KIF24: variants seen among roughly 807,000 people sequenced by gnomAD.
The protein encoded by KIF24 is kinesin-like protein KIF24.
Under a neutral mutation model 118.9 loss-of-function variants are expected in KIF24, and 81 were observed. The observed-to-expected ratio is 0.68, with a 90% confidence interval of 0.57 to 0.82. The LOEUF (loss-of-function observed/expected upper bound fraction) is 0.82. KIF24 is among the 40% of genes least tolerant of loss of function. The pLI is 0.00. For synonymous variants in KIF24, 599 were observed against 610.0 expected (o/e 0.98, Z 0.27); for missense variants, 1,560 against 1,661.6 (o/e 0.94, Z 1.06).
Position 34,290,315 on chromosome 9 carries a change from TTCTCATGAGTTCCTATCATGGTGTAGG to T in KIF24, c.959_985del (p.Thr320_Glu328del), listed in dbSNP as rs771759908. The T allele has an allele frequency of 3.1e-6, 5 of 1,613,858 alleles. No homozygotes were observed. In the South Asian group the frequency reaches 4.4e-5, roughly 14 times the overall value. On this transcript the variant is annotated inframe_deletion, in exon 5 of 13. Coordinates refer to ENST00000402558, the MANE Select transcript of KIF24 (RefSeq NM_194313.4). ...GGCAGCTAGAGCATACAATCCTGGG[TTCTCATGAGTTCCTATCATGGTGTAGG>T]TCTTTCCAGCACCTGTCTGTCCATA...
intron 1 of KIF24, among the ~76,000 whole-genome samples, chr9:34,328,051 C>T (rs1837734041): frequency 6.6e-6 from 1 of 152,004 alleles, no homozygotes; most frequent in African/African-American, 2.4e-5. Flanking sequence ...TTAAGGCCAC[C>T]AGTGAGCTAT....
Position 34,257,765 on chromosome 9 carries a change from G to A in KIF24, c.1842C>T (p.His614=), listed in dbSNP as rs755969797. ...TRGKVHPLTS[H]PPNIPFTSAP... ...CAGAAGTAAAAGGAATGTTGGGTGG[G>A]TGGCTGGTCAGAGGATGGACCTTCC... is the stretch of plus-strand genomic sequence containing the variant. Residue 614 remains histidine, a synonymous_variant, in exon 11 of 13, where the codon CAC becomes CAT. Transcript: ENST00000402558. 6.2e-7 allele frequency: 1 copy of A among 1,614,046 alleles called. No individual in the cohort carries two copies. Among genetic ancestry groups the A allele is most frequent in the Non-Finnish European group, 8.5e-7 (1 of 1,179,902 alleles).
At chr9:34,322,193 GTA>G (rs1837547140) in intron 1 of KIF24, among the ~76,000 whole-genome samples, 1 of 152,120 alleles carries the variant, frequency 6.6e-6, no homozygotes, top group African/African-American at 2.4e-5. Context: ...CCAAAACAGA[GTA>G]GTGGCTGTCC....
At chr9:34,294,647 T>G (rs1043818096) in intron 4 of KIF24, among the ~76,000 whole-genome samples, 6 of 152,192 alleles carry the variant, frequency 3.9e-5, no homozygotes, top group Admixed American at 6.5e-5. Flanking sequence ...AGTGTGATAA[T>G]TTCATAGAAG....
chr9:34,269,914 C>T (rs1417696363), intron 7 of KIF24, among the ~76,000 whole-genome samples: 1 of 151,928 alleles, frequency 6.6e-6, no homozygotes, highest in African/African-American at 2.4e-5. Context: ...CACAGCAAGA[C>T]CCCATCTCTT....
intron 10 of KIF24, 97 bp downstream of exon 10, chr9:34,259,498 TG>T: frequency 2.3e-6 from 2 of 856,390 alleles, no homozygotes; most frequent in Admixed American, 1.8e-5. Flanking sequence ...TGCATGCACT[TG>T]CACACACACA....
rs1837795795 is a variant in KIF24, at chr9:34,329,220, G to A, written c.-140C>T. On this transcript the variant is annotated 5_prime_UTR_variant, in exon 1 of 13. Transcript: ENST00000402558. ...CCCGTCAACCCGGGAGCCACCGGCGGCGGCCAGGCCGCATCTCCATGGCAA... is the reference window on the plus strand; with the variant it reads ...CCCGTCAACCCGGGAGCCACCGGCGACGGCCAGGCCGCATCTCCATGGCAA... Among the ~76,000 whole-genome samples the A allele has an allele frequency of 6.6e-6, 1 of 152,258 alleles. No individual in the cohort carries two copies. The highest frequency in any genetic ancestry group is 2.1e-4 in the South Asian group (1 of 4,838).
At chr9:34,285,547 G>A (rs925902850) in intron 6 of KIF24, among the ~76,000 whole-genome samples, 1 of 152,024 alleles carries the variant, frequency 6.6e-6, no homozygotes, top group African/African-American at 2.4e-5. Context: ...GGCCAAGGTG[G>A]GCGGATCATG....
chr9:34,311,300 T>C lies in KIF24; in HGVS notation c.47A>G (p.Gln16Arg), dbSNP rs1837135486. 1.3e-6 allele frequency: 2 copies of C among 1,599,776 alleles called. No individual in the cohort carries two copies. The highest frequency in any genetic ancestry group is 1.7e-6 in the Non-Finnish European group (2 of 1,172,688). ...YECLCEAELA[Q>R]YYSHFTALGL... ...AAGGGCAGTGAAATGAGAATAATAC[T>C]GTGCAAGTTCAGCTTCACAAAGACA... Residue 16 changes from glutamine to arginine, a missense_variant, in exon 2 of 13, where the codon CAG becomes CGG. By Grantham distance (43) the Gln-to-Arg change is conservative. Transcript: ENST00000402558.
At chr9:34,258,863 T>TA (rs1451908172) in intron 10 of KIF24, among the ~76,000 whole-genome samples, 1 of 152,216 alleles carries the variant, frequency 6.6e-6, no homozygotes, top group Non-Finnish European at 1.5e-5. Flanking sequence ...ACCTTAGCAC[T>TA]ATTGACATTT....
chr9:34,271,511 G>C (rs144756119), intron 7 of KIF24, among the ~76,000 whole-genome samples: 5 of 151,820 alleles, frequency 3.3e-5, no homozygotes, highest in Non-Finnish European at 7.4e-5. Flanking sequence ...TTTTTTTGGC[G>C]TGTAAGCTCT....
chr9:34,331,508 A>C (rs1208797846), upstream of KIF24, among the ~76,000 whole-genome samples: 2 of 152,202 alleles, frequency 1.3e-5, no homozygotes, highest in South Asian at 4.1e-4. Flanking sequence ...TGACTAAAGG[A>C]GGATGAAAAT....
rs1325982651 is a variant in KIF24, at chr9:34,310,723, C to T, written c.623+1G>A. ...AAAGAAAGAAAGATAAAATTTATTA[C>T]CTGATACAAGAATGAGGGATTCCAT... On this transcript the variant is annotated splice_donor_variant, in intron 2 of 12. Coordinates refer to ENST00000402558, the MANE Select transcript of KIF24 (RefSeq NM_194313.4). LOFTEE classifies it high-confidence loss of function. The T allele has an allele frequency of 1.3e-6, 2 of 1,569,994 alleles. No homozygotes were observed. The highest frequency in any genetic ancestry group is 2.2e-5 in the East Asian group (1 of 44,556).
intron 1 of KIF24, among the ~76,000 whole-genome samples, chr9:34,311,819 CAAATG>C (rs1837180744): frequency 6.6e-6 from 1 of 150,644 alleles, no homozygotes; most frequent in South Asian, 2.1e-4. Flanking sequence ...CATAGATACA[CAAATG>C]AACACATACA....
chr9:34,326,151 T>G (rs1403137105), intron 1 of KIF24, among the ~76,000 whole-genome samples: 1 of 152,094 alleles, frequency 6.6e-6, no homozygotes, highest in Non-Finnish European at 1.5e-5. Flanking sequence ...CCCAGGAGTT[T>G]GAGATGAGCC....
chr9:34,270,728 G>C (rs1411884347), intron 7 of KIF24, among the ~76,000 whole-genome samples: 1 of 150,214 alleles, frequency 6.7e-6, no homozygotes, highest in African/African-American at 2.4e-5. Flanking sequence ...AAAGTGCTGA[G>C]ATTACAGATG....
At chr9:34,259,761 G>A (rs756829843) in intron 9 of KIF24, 56 bp from the exon 10 acceptor site, 55 of 1,103,648 alleles carry the variant, frequency 5.0e-5, no homozygotes, top group Admixed American at 3.4e-5. Flanking sequence ...AGTGCATACT[G>A]ACTACTTACT....
chr9:34,257,570 A>C lies in KIF24; in HGVS notation c.2037T>G (p.Thr679=). The change falls in exon 11 of 13, where the codon ACT becomes ACG. Residue 679 remains threonine (T), a synonymous_variant. Coordinates refer to ENST00000402558, the MANE Select transcript of KIF24 (RefSeq NM_194313.4). ...CSEKNRMGNK[T]VLGWESRASG... ...AGGCCCTGCTTTCCCACCCAAGGACAGTTTTGTTGCCCATTCGATTTTTCT... is the reference window on the plus strand; with the variant it reads ...AGGCCCTGCTTTCCCACCCAAGGACCGTTTTGTTGCCCATTCGATTTTTCT... 1 of 1,614,062 alleles carries C rather than the reference A, an allele frequency of 6.2e-7. No homozygotes were observed. The highest frequency in any genetic ancestry group is 8.5e-7 in the Non-Finnish European group (1 of 1,179,890).
chr9:34,318,342 C>CCAACCCAGCT lies in KIF24; in HGVS notation c.-25-6981_-25-6972dup. On this transcript the variant is annotated intron_variant, in intron 1 of 12. Coordinates refer to ENST00000402558, the MANE Select transcript of KIF24 (RefSeq NM_194313.4). The surrounding 1 kb of genome is among the most constrained non-coding windows in gnomAD (Gnocchi z 4.9). ...TGGAGCCAGCCCAGCCCAACCCAGC[C>CCAACCCAGCT]CAACCCAGCTTGACCTAGCCCTGAC... 1.7e-6 allele frequency: 1 copy of CCAACCCAGCT among 604,960 alleles called. No individual in the cohort carries two copies. Among genetic ancestry groups the CCAACCCAGCT allele is most frequent in the Admixed American group, 2.4e-5 (1 of 42,130 alleles). 37.5% of individuals were successfully genotyped at this position (604,960 alleles called of 1,614,324 possible).
Sources: allele counts gnomAD v4.1 joint callset (sites outside exome capture counted in the v4.1 genomes callset), GRCh38; gene constraint gnomAD v4.1.1; non-coding constraint Gnocchi (gnomAD v3.1); transcripts MANE v1.5; gene names NCBI Gene and HGNC (gene_info 2026-07-23, HGNC 2026-07-21).